The following ZNF732 variants were observed in gnomAD, a reference collection of about 807,000 sequenced individuals.
ZNF732 encodes the protein zinc finger protein LOC654254.
ZNF732 carries 12 observed loss-of-function variants against 11.5 expected under a neutral mutation model. That is an observed-to-expected ratio of 1.05 (90% CI 0.67 to 1.70). ZNF732 has a LOEUF of 1.70. Ranked by LOEUF, ZNF732 falls within the 40% of genes most tolerant of loss-of-function variation. ZNF732 has a pLI of 0.00. For missense variants in ZNF732, 702 were observed against 676.9 expected (o/e 1.04, Z -0.41); for synonymous variants, 231 against 236.5 (o/e 0.98, Z 0.21).
chr4:289,177 A>G (rs1719790509), intron 3 of ZNF732, among the ~76,000 whole-genome samples: 1 of 152,202 alleles, frequency 6.6e-6, no homozygotes, highest in Non-Finnish European at 1.5e-5. Context: ...TAGTTATTAA[A>G]AGAAAACTGC....
At chr4:273,466 T>C (rs557713928) in intron 3 of ZNF732, among the ~76,000 whole-genome samples, 127 of 152,076 alleles carry the variant, frequency 8.4e-4, no homozygotes, top group Non-Finnish European at 1.6e-4. Context: ...AAAACAAAGA[T>C]GTACAAATTT....
chr4:288,081 T>C (rs1719768546), intron 3 of ZNF732, among the ~76,000 whole-genome samples: 1 of 152,348 alleles, frequency 6.6e-6, no homozygotes, highest in South Asian at 2.1e-4. Context: ...TGGAGAAACA[T>C]TTTCATCTCT....
chr4:271,502 C>T lies in ZNF732; in HGVS notation c.1355G>A (p.Gly452Asp), dbSNP rs1553837410. Residue 452 changes from glycine (G) to aspartate (D), a missense_variant, in exon 4 of 4, where the codon GGC (glycine) becomes GAC (aspartate). Gly to Asp is a moderately conservative substitution (Grantham distance 94). Transcript: ENST00000419098. ...GEKPYKCEEC[G>D]KAFGWSAYLS... is the part of the protein sequence containing the mutation. ...GTATGCAGACCATCCAAAGGCTTTGCCACACTCTTCACATTTGTAAGGTTT... is the reference window on the plus strand; with the variant it reads ...GTATGCAGACCATCCAAAGGCTTTGTCACACTCTTCACATTTGTAAGGTTT... 1.2e-6 allele frequency: 2 copies of T among 1,611,194 alleles called. No homozygotes were observed. Among genetic ancestry groups the T allele is most frequent in the Middle Eastern group, 3.3e-4 (2 of 6,006 alleles).
chr4:305,447 T>G lies in ZNF732; in HGVS notation c.-137A>C. 1.6e-6 allele frequency: 2 copies of G among 1,266,902 alleles called. No homozygotes were observed. The highest frequency in any genetic ancestry group is 1.1e-6 in the Non-Finnish European group (1 of 916,042). The allele number at this position is 1,266,902 out of a possible 1,614,324, so 78.5% of individuals were successfully genotyped here. A position where few individuals can be genotyped will look rare whatever the true frequency, so the allele number is the denominator to read the frequency against. Reference sequence around the variant, plus strand: ...GGTGAAAGCACGGCCGTGGAGACCCTAACCGAGCTCACGCTGGCGCAAAAG... The same window carrying G: ...GGTGAAAGCACGGCCGTGGAGACCCGAACCGAGCTCACGCTGGCGCAAAAG... On this transcript the variant is annotated 5_prime_UTR_variant, in exon 1 of 4. Transcript: ENST00000419098.
At chr4:281,985 TAAAG>T (rs1379075047) in intron 3 of ZNF732, among the ~76,000 whole-genome samples, 3 of 151,962 alleles carry the variant, frequency 2.0e-5, no homozygotes, top group South Asian at 2.1e-4. Flanking sequence ...CCAATGATAA[TAAAG>T]AAAGATAAGC....
chr4:299,381 A>T (rs1234098606), intron 1 of ZNF732, among the ~76,000 whole-genome samples: 1 of 95,866 alleles, frequency 1.0e-5, no homozygotes, highest in Admixed American at 1.4e-4. Context: ...GTATATATAT[A>T]TACACATATG....
chr4:271,013 T>C lies in ZNF732; in HGVS notation c.*86A>G. 2 of 1,130,204 alleles carry C rather than the reference T, an allele frequency of 1.8e-6. No individual in the cohort carries two copies. Among genetic ancestry groups the C allele is most frequent in the Non-Finnish European group, 1.3e-6 (1 of 791,330 alleles). The allele number at this position is 1,130,204 out of a possible 1,614,324, so 70.0% of individuals were successfully genotyped here. A position where few individuals can be genotyped will look rare whatever the true frequency, so the allele number is the denominator to read the frequency against. On this transcript the variant is annotated 3_prime_UTR_variant, in exon 4 of 4. Coordinates refer to ENST00000419098, the MANE Select transcript of ZNF732 (RefSeq NM_001137608.3). Reference sequence around the variant, plus strand: ...AAAAGCTTTGCCACATTCTTCACATTTGTATAGTTTATTTCCAGTATAAAT... The same window carrying C: ...AAAAGCTTTGCCACATTCTTCACATCTGTATAGTTTATTTCCAGTATAAAT...
At chr4:297,925 T>C (rs1423544311) in intron 1 of ZNF732, among the ~76,000 whole-genome samples, 4 of 152,126 alleles carry the variant, frequency 2.6e-5, no homozygotes. Flanking sequence ...TAGACTTCTG[T>C]TCTCTATGCC....
intron 1 of ZNF732, among the ~76,000 whole-genome samples, chr4:296,435 C>T (rs1719953736): frequency 6.6e-6 from 1 of 152,076 alleles, no homozygotes; most frequent in Non-Finnish European, 1.5e-5. Flanking sequence ...TTTAACTCAG[C>T]TCTCATGAAA....
intron 3 of ZNF732, among the ~76,000 whole-genome samples, chr4:284,288 AAT>A (rs2108655573): frequency 6.6e-6 from 1 of 152,328 alleles, no homozygotes; most frequent in African/African-American, 2.4e-5. Flanking sequence ...AAATCTTACA[AAT>A]ATGTGTATAT....
Position 299,425 on chromosome 4 carries a change from A to G in ZNF732, c.4-3270T>C, listed in dbSNP as rs1463927339. Among the ~76,000 whole-genome samples, 784 of 100,422 alleles carry G rather than the reference A, an allele frequency of 7.8e-3. 32 individuals carry two copies. Among genetic ancestry groups the G allele is most frequent in the Non-Finnish European group, 0.012 (605 of 52,218 alleles). The allele number at this position is 100,422 out of a possible 152,430, so 65.9% of individuals were successfully genotyped here. On this transcript the variant is annotated intron_variant, in intron 1 of 3. Transcript: ENST00000419098. ...TGTGTATATATATATACACATATATACACATATGTGTATATATATATATAT... is the reference window on the plus strand; with the variant it reads ...TGTGTATATATATATACACATATATGCACATATGTGTATATATATATATAT...
At chr4:284,256 T>C (rs900689310) in intron 3 of ZNF732, among the ~76,000 whole-genome samples, 1 of 151,784 alleles carries the variant, frequency 6.6e-6, no homozygotes, top group Non-Finnish European at 1.5e-5. Context: ...AAATGAGAAA[T>C]CAATAGCAGA....
chr4:276,027 T>C (rs1719488142), intron 3 of ZNF732, among the ~76,000 whole-genome samples: 1 of 151,772 alleles, frequency 6.6e-6, no homozygotes, highest in African/African-American at 2.4e-5. Flanking sequence ...AGATTTTAAA[T>C]GTTATGCATT....
At chr4:281,816 G>C (rs985848778) in intron 3 of ZNF732, among the ~76,000 whole-genome samples, 1 of 152,120 alleles carries the variant, frequency 6.6e-6, no homozygotes, top group Admixed American at 6.5e-5. Context: ...AAACATAACA[G>C]CATGAAAGGA....
intron 3 of ZNF732, among the ~76,000 whole-genome samples, chr4:294,990 G>GA (rs1479076269): frequency 6.6e-6 from 1 of 152,114 alleles, no homozygotes; most frequent in African/African-American, 2.4e-5. Flanking sequence ...TCACTAAGCA[G>GA]AAAAGACGCA....
At chr4:278,365 G>A (rs1429265410) in intron 3 of ZNF732, among the ~76,000 whole-genome samples, 5 of 152,086 alleles carry the variant, frequency 3.3e-5, no homozygotes, top group Non-Finnish European at 5.9e-5. Flanking sequence ...ACAATTCCTG[G>A]AAACAACACA....
chr4:283,570 CAATT>C (rs1553840177), intron 3 of ZNF732, among the ~76,000 whole-genome samples: 1 of 148,712 alleles, frequency 6.7e-6, no homozygotes, highest in Non-Finnish European at 1.5e-5. Context: ...AAGAATATAA[CAATT>C]AAAAATATAT....
rs143147986 is a variant in ZNF732 at position 295,262 on chromosome 4, G to C, written c.226+176C>G. On this transcript the variant is annotated intron_variant, in intron 3 of 3. Coordinates refer to ENST00000419098, the MANE Select transcript of ZNF732 (RefSeq NM_001137608.3). Reference sequence around the variant, plus strand: ...CACTAAAGAAAAAAGAGAATTCTTAGATTTAACAGCATGGGACAGAAGATG... The same window carrying C: ...CACTAAAGAAAAAAGAGAATTCTTACATTTAACAGCATGGGACAGAAGATG... Among the ~76,000 whole-genome samples the C allele has an allele frequency of 2.3e-3, 346 of 152,284 alleles. 1 individual carries two copies. Among genetic ancestry groups the C allele is most frequent in the African/African-American group, 7.9e-3 (328 of 41,558 alleles).
intron 3 of ZNF732, among the ~76,000 whole-genome samples, chr4:290,550 C>T (rs149034948): frequency 6.6e-6 from 1 of 152,298 alleles, no homozygotes; most frequent in East Asian, 1.9e-4. Context: ...TATGTAGTCA[C>T]AGTCTGTGGC....
Sources: allele counts gnomAD v4.1 joint callset (sites outside exome capture counted in the v4.1 genomes callset), GRCh38; gene constraint gnomAD v4.1.1; transcripts MANE v1.5; gene names NCBI Gene and HGNC (gene_info 2026-07-23, HGNC 2026-07-21).